IGFL2: variants seen among roughly 807,000 people sequenced by gnomAD.
The protein encoded by IGFL2 is insulin growth factor-like family member 2.
In IGFL2, 7 loss-of-function variants were observed where a neutral mutation model predicts 13.9. The observed-to-expected ratio is 0.51, with a 90% CI of 0.29 to 0.95. The LOEUF is 0.95. IGFL2 is among the 40% of genes least tolerant of loss of function. IGFL2 has a pLI of 0.08. For missense variants in IGFL2, 138 were observed against 147.8 expected (o/e 0.93, Z 0.34); for synonymous variants, 55 against 55.8 (o/e 0.99, Z 0.07).
chr19:46,088,257 C>G, the IGFL2 span, among the ~76,000 whole-genome samples: 1 of 152,132 alleles, frequency 6.6e-6, no homozygotes, highest in Non-Finnish European at 1.5e-5. Context: ...AGGCAAGTAC[C>G]CAGTGCATCT....
At chr19:46,173,271 A>G in the IGFL2 span, among the ~76,000 whole-genome samples, 4 of 152,332 alleles carry the variant, frequency 2.6e-5, no homozygotes, top group Admixed American at 6.5e-5. Flanking sequence ...CACTTCCCCT[A>G]TATGGAGCCC....
At chr19:46,188,378 C>T in the IGFL2 span, among the ~76,000 whole-genome samples, 1 of 152,112 alleles carries the variant, frequency 6.6e-6, no homozygotes, top group African/African-American at 2.4e-5. Context: ...AGTGAAAGGT[C>T]CATCCCCAGC....
the IGFL2 span, chr19:46,113,004 A>G: frequency 6.6e-6 from 1 of 152,256 alleles, no homozygotes; most frequent in African/African-American, 2.4e-5. Flanking sequence ...GAAAAAGTCT[A>G]TTAATAAATT....
chr19:46,160,335 A>G, intron 1 of IGFL2, 80 bp from the exon 2 acceptor site: 1 of 1,299,086 alleles, frequency 7.7e-7, no homozygotes, highest in Non-Finnish European at 1.1e-6. Context: ...AGCCTTCCCC[A>G]CCCTGGCCTG....
the IGFL2 span, chr19:46,189,691 C>G: frequency 6.6e-6 from 1 of 152,414 alleles, no homozygotes; most frequent in African/African-American, 2.4e-5. Flanking sequence ...TCACTGTGTC[C>G]GTTCAGCTCC....
intron 1 of IGFL2, among the ~76,000 whole-genome samples, chr19:46,155,946 T>A (rs941428613): frequency 6.6e-6 from 1 of 152,172 alleles, no homozygotes; most frequent in Admixed American, 6.5e-5. Flanking sequence ...TTCAATATTG[T>A]ATTGGCTATC....
chr19:46,123,053 T>G, the IGFL2 span, among the ~76,000 whole-genome samples: 2 of 151,092 alleles, frequency 1.3e-5, no homozygotes, highest in Admixed American at 6.6e-5. Context: ...ATTAGATTAC[T>G]TAAGAATTCT....
the IGFL2 span, among the ~76,000 whole-genome samples, chr19:46,103,069 A>C: frequency 6.6e-6 from 1 of 152,268 alleles, no homozygotes; most frequent in South Asian, 2.1e-4. Flanking sequence ...AGAAAAACAG[A>C]TATTAAAAGA....
chr19:46,101,305 T>G, the IGFL2 span, among the ~76,000 whole-genome samples: 1 of 152,186 alleles, frequency 6.6e-6, no homozygotes, highest in African/African-American at 2.4e-5. Context: ...CTGCCTGGAT[T>G]CCTCAGAGCT....
chr19:46,137,014 T>G, the IGFL2 span: 1 of 1,580,920 alleles, frequency 6.3e-7, no homozygotes, highest in Non-Finnish European at 8.7e-7. Flanking sequence ...AAGGGACATC[T>G]TTCAATGCAG....
the IGFL2 span, among the ~76,000 whole-genome samples, chr19:46,172,423 G>A: frequency 6.6e-6 from 1 of 152,314 alleles, no homozygotes; most frequent in African/African-American, 2.4e-5. Context: ...ACTTCACCAG[G>A]TTAAAAAATC....
At chr19:46,145,078 A>T (rs1973049404), upstream of IGFL2, among the ~76,000 whole-genome samples, 2 of 152,198 alleles carry the variant, frequency 1.3e-5, no homozygotes, top group African/African-American at 4.8e-5. Flanking sequence ...CAAGTAAAAT[A>T]CTATGAACGA....
chr19:46,199,632 C>T, the IGFL2 span, among the ~76,000 whole-genome samples: 10 of 152,204 alleles, frequency 6.6e-5, no homozygotes, highest in East Asian at 1.9e-4. Context: ...AGAGATCAGG[C>T]TCAGGCCAAG....
At chr19:46,091,658 A>G in the IGFL2 span, among the ~76,000 whole-genome samples, 1 of 152,336 alleles carries the variant, frequency 6.6e-6, no homozygotes, top group East Asian at 1.9e-4. Context: ...CCTTTGTTCA[A>G]CTTAGAGTCC....
chr19:46,083,343 T>C, the IGFL2 span, among the ~76,000 whole-genome samples: 1 of 152,182 alleles, frequency 6.6e-6, no homozygotes, highest in African/African-American at 2.4e-5. Flanking sequence ...AAAATGGAAA[T>C]CTAGGCAGCT....
the IGFL2 span, among the ~76,000 whole-genome samples, chr19:46,088,583 A>T: frequency 6.6e-6 from 1 of 152,344 alleles, no homozygotes; most frequent in Non-Finnish European, 1.5e-5. Context: ...CTTGTCATTG[A>T]TTTACAAAGA....
the IGFL2 span, among the ~76,000 whole-genome samples, chr19:46,099,005 A>G: frequency 1.3e-5 from 2 of 152,190 alleles, no homozygotes; most frequent in African/African-American, 4.8e-5. Context: ...GAGCTCTTGC[A>G]AGGCAGGCCT....
intron 1 of IGFL2, among the ~76,000 whole-genome samples, chr19:46,154,951 A>G (rs35310770): frequency 0.036 from 5,373 of 149,002 alleles, 148 homozygotes; most frequent in Non-Finnish European, 0.057. Context: ...CCGCTGAGCC[A>G]CTGGACTGGA....
the IGFL2 span, among the ~76,000 whole-genome samples, chr19:46,094,896 A>G: frequency 6.6e-6 from 1 of 152,150 alleles, no homozygotes; most frequent in Non-Finnish European, 1.5e-5. Flanking sequence ...TCCATGGTGT[A>G]TATGTGCCAT....
Sources: allele counts gnomAD v4.1 joint callset (sites outside exome capture counted in the v4.1 genomes callset), GRCh38; gene constraint gnomAD v4.1.1; transcripts MANE v1.5; gene names NCBI Gene and HGNC (gene_info 2026-07-23, HGNC 2026-07-21).